The following USP36 variants were observed in gnomAD, a reference collection of about 807,000 sequenced individuals.
The protein encoded by USP36 is ubiquitin specific peptidase 36.
Under a neutral mutation model 111.5 loss-of-function variants are expected in USP36, and 59 were observed. The ratio of observed to expected loss-of-function variants is 0.53; its 90% CI spans 0.43 to 0.66. USP36 has a LOEUF of 0.66. Among genes scored for constraint, USP36 ranks in the 30% least tolerant of loss-of-function variants. USP36 has a pLI of 0.00. For synonymous variants in USP36, 628 were observed against 581.0 expected, an observed-to-expected ratio of 1.08 and a Z score of -1.16; for missense variants, 1,488 against 1,468.0, an observed-to-expected ratio of 1.01 and a Z score of -0.22.
intron 12 of USP36, among the ~76,000 whole-genome samples, chr17:78,813,248 G>A (rs909983802): frequency 2.2e-5 from 3 of 135,662 alleles, no homozygotes; most frequent in African/African-American, 8.0e-5. Flanking sequence ...CAAGATCAGA[G>A]TTCAATGCAC....
In USP36 at chr17:78,835,434, C is replaced by T. The variant is rs751538757; in HGVS notation, c.321G>A (p.Thr107=). Residue 107 remains threonine (T), a synonymous_variant, in exon 4 of 21, where the codon ACG becomes ACA. Coordinates refer to ENST00000449938, the MANE Select transcript of USP36 (RefSeq NM_001385174.1). Reference sequence around the variant, plus strand: ...GCTCCCACCTCAGAGACAGTCGCTCCGTGGGGAAAAGCACTTTCTGCGGGG... The same window carrying T: ...GCTCCCACCTCAGAGACAGTCGCTCTGTGGGGAAAAGCACTTTCTGCGGGG... ...VPAPQKVLFP[T]ERLSLRWERV... is the part of the protein sequence containing the mutation. 4.3e-6 allele frequency: 7 copies of T among 1,614,134 alleles called. No homozygotes were observed. In the South Asian group the frequency reaches 5.5e-5, roughly 13 times the overall value.
At chr17:78,838,205 T>C (rs1162652190) in intron 2 of USP36, among the ~76,000 whole-genome samples, 1 of 151,812 alleles carries the variant, frequency 6.6e-6, no homozygotes, top group Non-Finnish European at 1.5e-5. Flanking sequence ...GATGTTTCTC[T>C]ACTAAAAATA....
intron 4 of USP36, among the ~76,000 whole-genome samples, chr17:78,830,842 C>T (rs2068017996): frequency 6.6e-6 from 1 of 151,504 alleles, no homozygotes; most frequent in South Asian, 2.1e-4. Context: ...TTCTGCTTGC[C>T]TTTTCTAACT....
intron 8 of USP36, among the ~76,000 whole-genome samples, chr17:78,820,637 G>C (rs930611081): frequency 3.3e-5 from 5 of 152,288 alleles, no homozygotes; most frequent in African/African-American, 1.2e-4. Flanking sequence ...GTGCGACAAA[G>C]CCAAGGCTGC....
chr17:78,806,050 T>C, intron 15 of USP36, 106 bp downstream of exon 15: 1 of 1,575,522 alleles, frequency 6.3e-7, no homozygotes, highest in South Asian at 1.1e-5. Context: ...CCCAATGCTT[T>C]GTCTGTCCTG....
chr17:78,829,843 C>T (rs921116299), intron 4 of USP36, among the ~76,000 whole-genome samples: 2 of 152,172 alleles, frequency 1.3e-5, no homozygotes, highest in African/African-American at 4.8e-5. Flanking sequence ...CGGGTTTAAG[C>T]AATTCTCCTG....
chr17:78,834,595 C>A (rs2068473154), intron 4 of USP36, among the ~76,000 whole-genome samples: 1 of 151,886 alleles, frequency 6.6e-6, no homozygotes, highest in Non-Finnish European at 1.5e-5. Context: ...TACAGGTGCA[C>A]CCCATCACGC....
chr17:78,821,116 C>A, intron 7 of USP36, 55 bp from the exon 8 acceptor site: 1 of 1,529,078 alleles, frequency 6.5e-7, no homozygotes, highest in Non-Finnish European at 8.8e-7. Flanking sequence ...GCACTCCCAG[C>A]TCCCAAGACC....
At chr17:78,807,664 C>A (rs2093944827) in intron 13 of USP36, 28 bp from the exon 14 acceptor site, 2 of 1,510,260 alleles carry the variant, frequency 1.3e-6, no homozygotes, top group Admixed American at 2.3e-5. Context: ...GAAAACACAA[C>A]TGAGGAAGCG....
chr17:78,811,233 T>A (rs1454911690), intron 13 of USP36, among the ~76,000 whole-genome samples: 1 of 151,718 alleles, frequency 6.6e-6, no homozygotes, highest in East Asian at 1.9e-4. Context: ...TGAATCCACT[T>A]AGTGAAACTG....
chr17:78,813,691 CA>C, intron 12 of USP36, 81 bp downstream of exon 12: 24 of 1,281,656 alleles, frequency 1.9e-5, no homozygotes, highest in Middle Eastern at 2.4e-4. Flanking sequence ...TACCTTCAAA[CA>C]AAAAAAGGTT....
chr17:78,827,134 G>C, intron 6 of USP36, 111 bp downstream of exon 6: 1 of 1,256,098 alleles, frequency 8.0e-7, no homozygotes, highest in Non-Finnish European at 1.1e-6. Flanking sequence ...TCTACCCAAG[G>C]GCAGCCTGGG....
intron 4 of USP36, among the ~76,000 whole-genome samples, chr17:78,830,596 T>C (rs1031616024): frequency 6.6e-5 from 10 of 152,210 alleles, no homozygotes; most frequent in African/African-American, 2.4e-4. Flanking sequence ...CACAGTGCAT[T>C]ACCTATTATC....
chr17:78,833,281 CT>C (rs974043084), intron 4 of USP36, among the ~76,000 whole-genome samples: 2 of 151,966 alleles, frequency 1.3e-5, no homozygotes, highest in Non-Finnish European at 1.5e-5. Context: ...ATCTTGTGTT[CT>C]TTTTTTTATG....
At chr17:78,831,028 C>T (rs1448107568) in intron 4 of USP36, among the ~76,000 whole-genome samples, 2 of 150,506 alleles carry the variant, frequency 1.3e-5, no homozygotes, top group Non-Finnish European at 3.0e-5. Flanking sequence ...AGGTTGAGAC[C>T]ATCCTGGCTT....
At position 78,803,751 on chromosome 17, in the gene USP36, G is replaced by A; in HGVS notation, c.2444C>T (p.Thr815Ile). Residue 815 changes from threonine (T) to isoleucine (I), a missense_variant, in exon 16 of 21, where the codon ACC (threonine) becomes ATC (isoleucine). This residue lies in a region of USP36 where 1,073 missense variants were observed against 994.1 expected (regional missense o/e 1.08). Transcript: ENST00000449938. The surrounding 1 kb of genome is among the most constrained non-coding windows in gnomAD (Gnocchi z 4.6). ...PQSPSEKRKK[T>I]FVGEPQRLGS... ...CAGCCTCTGCGGCTCTCCCACAAAG[G>A]TCTTTTTCCTCTTCTCAGAGGGGCT... The A allele has an allele frequency of 6.2e-7, 1 of 1,612,670 alleles. No homozygotes were observed. The highest frequency in any genetic ancestry group is 8.5e-7 in the Non-Finnish European group (1 of 1,179,960).
rs747265597 is a variant in USP36 at position 78,803,898 on chromosome 17, G to A, written c.2297C>T (p.Pro766Leu). Residue 766 changes from proline (P) to leucine (L), a missense_variant, in exon 16 of 21, where the codon CCC becomes CTC. Physicochemically the swap from Pro to Leu is moderately conservative, Grantham distance 98. This residue lies in a region of USP36 where 1,073 missense variants were observed against 994.1 expected (regional missense o/e 1.08). Coordinates refer to ENST00000449938, the MANE Select transcript of USP36 (RefSeq NM_001385174.1). The surrounding 1 kb of genome is among the most constrained non-coding windows in gnomAD (Gnocchi z 4.6). Reference protein sequence around the residue: ...SPHPTLLSSTPKPPGTSEPRS... With the variant: ...SPHPTLLSSTLKPPGTSEPRS... ...TGGTTCTGACGTCCCTGGGGGCTTGGGGGTACTGGACAGCAATGTGGGGTG... is the reference window on the plus strand; with the variant it reads ...TGGTTCTGACGTCCCTGGGGGCTTGAGGGTACTGGACAGCAATGTGGGGTG... The A allele has an allele frequency of 8.7e-6, 14 of 1,611,404 alleles. No individual in the cohort carries two copies. The highest frequency in any genetic ancestry group is 1.2e-5 in the Non-Finnish European group (14 of 1,179,674).
At chr17:78,793,083 TC>T (rs1238637845), downstream of USP36, among the ~76,000 whole-genome samples, 13 of 151,880 alleles carry the variant, frequency 8.6e-5, no homozygotes, top group Non-Finnish European at 1.6e-4. Context: ...TGATTCTACT[TC>T]CGTCAGTATC....
In USP36 at chr17:78,802,489, G is replaced by C. The variant is rs778169878; in HGVS notation, c.2857C>G (p.Pro953Ala). The change falls in exon 17 of 21, where the codon CCA (proline) becomes GCA (alanine). Residue 953 changes from proline to alanine, a missense_variant. By Grantham distance (27) the Pro-to-Ala change is conservative (BLOSUM62 -1). Transcript: ENST00000449938. Reference sequence around the variant, plus strand: ...CTTTTTTTCTTTTTCTTTTTCCTTGGAGACTCTTCCATGGCCTCTGGATCA... The same window carrying C: ...CTTTTTTTCTTTTTCTTTTTCCTTGCAGACTCTTCCATGGCCTCTGGATCA... ...DGDPEAMEES[P>A]RKKKKKKRKQ... 17 of 1,608,520 alleles carry C rather than the reference G, an allele frequency of 1.1e-5. No homozygotes were observed. In the Admixed American group the frequency reaches 2.8e-4, roughly 27 times the overall value.
Sources: gnomAD v4.1 joint callset for allele counts (sites outside exome capture counted in the v4.1 genomes callset) on GRCh38, gnomAD v4.1.1 for gene constraint, gnomAD v4.1.1 regional missense constraint, Gnocchi (gnomAD v3.1) non-coding constraint, MANE v1.5 for transcripts, NCBI Gene and HGNC (gene_info 2026-07-23, HGNC 2026-07-21) for gene names.